DNAH3: variants seen among roughly 807,000 people sequenced by gnomAD.
DNAH3 encodes the protein dynein axonemal heavy chain 3.
In DNAH3, 332 loss-of-function variants were observed where a neutral mutation model predicts 432.5. That is an observed-to-expected ratio of 0.77 (90% CI 0.70 to 0.84). DNAH3 has a LOEUF of 0.84. Among genes scored for constraint, DNAH3 ranks in the 40% least tolerant of loss-of-function variants. The pLI is 0.00. For synonymous variants in DNAH3, 1,956 were observed against 1,900.2 expected, an observed-to-expected ratio of 1.03 and a Z score of -0.76; for missense variants, 4,861 against 5,114.0, an observed-to-expected ratio of 0.95 and a Z score of 1.51.
At chr16:21,120,156 T>C (rs1321529870) in intron 11 of DNAH3, among the ~76,000 whole-genome samples, 4 of 142,118 alleles carry the variant, frequency 2.8e-5, no homozygotes, top group Non-Finnish European at 6.0e-5. Context: ...CAGGCTGGAG[T>C]GCAATGGTGC....
At chr16:21,003,801 T>A (rs1311210497) in intron 41 of DNAH3, among the ~76,000 whole-genome samples, 1 of 151,346 alleles carries the variant, frequency 6.6e-6, no homozygotes, top group Non-Finnish European at 1.5e-5. Flanking sequence ...ATATATACAA[T>A]TAAAAAAAAG....
intron 32 of DNAH3, among the ~76,000 whole-genome samples, chr16:21,040,491 A>G (rs1380934966): frequency 6.6e-6 from 1 of 151,028 alleles, no homozygotes; most frequent in Non-Finnish European, 1.5e-5. Context: ...CAGCCTCCCA[A>G]ACACCTGGGG....
intron 21 of DNAH3, among the ~76,000 whole-genome samples, chr16:21,072,034 T>G (rs927670449): frequency 6.6e-6 from 1 of 152,188 alleles, no homozygotes; most frequent in African/African-American, 2.4e-5. Flanking sequence ...AGTTTTTCTT[T>G]CATTGTAGGT....
At chr16:21,030,468 G>A (rs181009302) in intron 37 of DNAH3, among the ~76,000 whole-genome samples, 10 of 152,228 alleles carry the variant, frequency 6.6e-5, no homozygotes, top group Admixed American at 1.3e-4. Flanking sequence ...GAGTGAAGAC[G>A]CCATCTTGAA....
intron 20 of DNAH3, among the ~76,000 whole-genome samples, chr16:21,075,862 A>G (rs1303352243): frequency 7.3e-6 from 1 of 137,682 alleles, no homozygotes; most frequent in African/African-American, 2.7e-5. Flanking sequence ...GTGAGCTGAG[A>G]TCGTGATTTC....
At chr16:21,053,364 G>C (rs2090023077) in intron 28 of DNAH3, among the ~76,000 whole-genome samples, 1 of 152,126 alleles carries the variant, frequency 6.6e-6, no homozygotes, top group South Asian at 2.1e-4. Flanking sequence ...GCAGGAGTAT[G>C]GTATGCCTGA....
intron 41 of DNAH3, among the ~76,000 whole-genome samples, chr16:21,017,912 A>G (rs1167038011): frequency 6.6e-6 from 1 of 152,068 alleles, no homozygotes; most frequent in Admixed American, 6.6e-5. Context: ...ACATTTGTAT[A>G]CTCACCTTCT....
intron 21 of DNAH3, among the ~76,000 whole-genome samples, chr16:21,074,740 T>C (rs558893525): frequency 1.7e-4 from 26 of 151,596 alleles, no homozygotes; most frequent in African/African-American, 6.1e-4. Flanking sequence ...AAAGAACCAA[T>C]GGTCTGCAGG....
At position 21,117,347 on chromosome 16, in the gene DNAH3, G is replaced by C; in HGVS notation, c.1700-30C>G. The C allele has an allele frequency of 4.8e-6, 7 of 1,459,306 alleles. No individual in the cohort carries two copies. Among genetic ancestry groups the C allele is most frequent in the Non-Finnish European group, 6.7e-6 (7 of 1,043,292 alleles). The allele number at this position is 1,459,306 out of a possible 1,614,324, so 90.4% of individuals were successfully genotyped here. A position where few individuals can be genotyped will look rare whatever the true frequency, so the allele number is the denominator to read the frequency against. ...GAACAGGACAGATTCCACCTGAAGAGTAAACACCACTTTTGCATGTTGCAA... is the reference window on the plus strand; with the variant it reads ...GAACAGGACAGATTCCACCTGAAGACTAAACACCACTTTTGCATGTTGCAA... On this transcript the variant is annotated intron_variant, in intron 11 of 61. Transcript: ENST00000261383.
intron 25 of DNAH3, among the ~76,000 whole-genome samples, 173 bp from the exon 26 acceptor site, chr16:21,060,529 T>C (rs1247717686): frequency 7.4e-6 from 1 of 135,044 alleles, no homozygotes; most frequent in Non-Finnish European, 1.5e-5. Flanking sequence ...TTTTTTTCTT[T>C]TTTTTTTTTT....
exon 23 of DNAH3, chr16:21,069,416 G>C (rs201551660): frequency 6.2e-7 from 1 of 1,613,316 alleles, no homozygotes; most frequent in African/African-American, 1.3e-5. Context: ...AAAACTTACC[G>C]CTTGGGACAT....
chr16:20,954,799 C>T lies in DNAH3; in HGVS notation c.11071+14G>A. ...CTTTCCCTCAGGCCACTCAGGTGCA[C>T]TGTCATCGCTTACCTAGGGGGCCGA... On this transcript the variant is annotated intron_variant, in intron 55 of 61. Coordinates refer to ENST00000261383, the Ensembl canonical transcript of DNAH3. 6.2e-7 allele frequency: 1 copy of T among 1,612,782 alleles called. No individual in the cohort carries two copies. The highest frequency in any genetic ancestry group is 1.1e-5 in the South Asian group (1 of 90,910).
chr16:21,110,955 T>A (rs780640620), intron 14 of DNAH3, among the ~76,000 whole-genome samples: 8 of 152,156 alleles, frequency 5.3e-5, no homozygotes, highest in Non-Finnish European at 1.0e-4. Context: ...CCGTGCACTG[T>A]GACTGTACCT....
chr16:21,042,455 A>G (rs976712181), intron 31 of DNAH3, among the ~76,000 whole-genome samples: 3 of 152,134 alleles, frequency 2.0e-5, no homozygotes, highest in African/African-American at 4.8e-5. Flanking sequence ...CACCTAGCAT[A>G]GTACTTGACA....
intron 18 of DNAH3, among the ~76,000 whole-genome samples, chr16:21,093,990 C>T (rs1174590654): frequency 6.6e-6 from 1 of 152,038 alleles, no homozygotes; most frequent in Non-Finnish European, 1.5e-5. Context: ...ATCTTCATGA[C>T]CAGGGTTAGG....
At chr16:20,997,600 A>G in intron 43 of DNAH3, 138 bp from the exon 44 acceptor site, 6 of 962,806 alleles carry the variant, frequency 6.2e-6, no homozygotes, top group South Asian at 1.7e-5. Context: ...GGCTTAGTCA[A>G]TGGATGCCCT....
intron 41 of DNAH3, among the ~76,000 whole-genome samples, chr16:21,014,108 C>A (rs2087747388): frequency 6.6e-6 from 1 of 152,144 alleles, no homozygotes; most frequent in Non-Finnish European, 1.5e-5. Flanking sequence ...ACGCTAATAC[C>A]AAAGCCAGAT....
At chr16:21,061,257 G>A (rs565030904) in intron 25 of DNAH3, among the ~76,000 whole-genome samples, 3 of 128,970 alleles carry the variant, frequency 2.3e-5, no homozygotes, top group South Asian at 2.4e-4. Flanking sequence ...TTTTTGAGAC[G>A]GAGTTTCACT....
intron 5 of DNAH3, among the ~76,000 whole-genome samples, chr16:21,136,924 G>A (rs2092650886): frequency 6.6e-6 from 1 of 152,072 alleles, no homozygotes; most frequent in African/African-American, 2.4e-5. Context: ...TGCAAGGTCA[G>A]GGGTTCGAGA....
Sources: allele counts gnomAD v4.1 joint callset (sites outside exome capture counted in the v4.1 genomes callset), GRCh38; gene constraint gnomAD v4.1.1; transcripts MANE v1.5; gene names NCBI Gene and HGNC (gene_info 2026-07-23, HGNC 2026-07-21).